The following PGS1 variants were observed in gnomAD, a reference collection of about 807,000 sequenced individuals.
PGS1 encodes the protein CDP-diacylglycerol--glycerol-3-phosphate 3-phosphatidyltransferase, mitochondrial.
In PGS1, 44 loss-of-function variants were observed where a neutral mutation model predicts 58.3. The observed-to-expected ratio is 0.75, with a 90% CI of 0.59 to 0.97. The LOEUF (loss-of-function observed/expected upper bound fraction) is 0.97. PGS1 is among the 50% of genes least tolerant of loss of function. The probability of loss-of-function intolerance (pLI) is 0.00; values close to 1 mark genes in which losing one functional copy is unlikely to be tolerated. For synonymous variants in PGS1, 330 were observed against 311.0 expected (o/e 1.06, Z -0.64); for missense variants, 684 against 731.1 (o/e 0.94, Z 0.74).
At chr17:78,413,163 G>T (rs1018651464) in intron 7 of PGS1, among the ~76,000 whole-genome samples, 1 of 152,244 alleles carries the variant, frequency 6.6e-6, no homozygotes, top group Admixed American at 6.5e-5. Context: ...CTTTGATGTG[G>T]CCCTTGGAGG....
At chr17:78,423,079 CAA>C (rs956117937) in intron 9 of PGS1, among the ~76,000 whole-genome samples, 6 of 146,294 alleles carry the variant, frequency 4.1e-5, no homozygotes, top group South Asian at 2.2e-4. Context: ...GCCTGGGCGA[CAA>C]GAGTGAAACT....
intron 6 of PGS1, among the ~76,000 whole-genome samples, chr17:78,401,341 A>G (rs1230970643): frequency 2.0e-5 from 3 of 152,116 alleles, no homozygotes; most frequent in Non-Finnish European, 4.4e-5. Context: ...CCTAGGGCCC[A>G]TTTCCCCAAG....
At chr17:78,420,231 C>A in intron 9 of PGS1, 1 of 990,722 alleles carries the variant, frequency 1.0e-6, no homozygotes, top group African/African-American at 1.7e-5. Flanking sequence ...CCCTTCTAGA[C>A]TCTGGAAGTT....
At chr17:78,418,097 T>C (rs2085361791) in intron 8 of PGS1, among the ~76,000 whole-genome samples, 2 of 151,660 alleles carry the variant, frequency 1.3e-5, no homozygotes, top group Non-Finnish European at 2.9e-5. Context: ...GCCCGGCTAA[T>C]GTTTGTATTT....
chr17:78,409,947 C>T (rs138725344), intron 7 of PGS1, among the ~76,000 whole-genome samples: 7 of 152,170 alleles, frequency 4.6e-5, no homozygotes, highest in African/African-American at 1.7e-4. Context: ...TGTGTCTCTA[C>T]TAAAAATACA....
chr17:78,418,454 G>A (rs565942590), intron 8 of PGS1, among the ~76,000 whole-genome samples: 1 of 152,180 alleles, frequency 6.6e-6, no homozygotes, highest in African/African-American at 2.4e-5. Flanking sequence ...AGCTTCCTTT[G>A]CCTGCCGATT....
chr17:78,424,267 CA>C lies in PGS1; in HGVS notation c.*221del. 1 of 1,345,206 alleles carries C rather than the reference CA, an allele frequency of 7.4e-7. No individual in the cohort carries two copies. The highest frequency in any genetic ancestry group is 9.9e-7 in the Non-Finnish European group (1 of 1,012,006). The allele number at this position is 1,345,206 out of a possible 1,614,324, so 83.3% of individuals were successfully genotyped here. On this transcript the variant is annotated 3_prime_UTR_variant, in exon 10 of 10. Coordinates refer to ENST00000262764, the MANE Select transcript of PGS1 (RefSeq NM_024419.5). ...CCCTCTGCAGAGCTGGGCTCTACCC[CA>C]AAAGGCTTCAGGCCAGCTGCCACGG...
chr17:78,398,041 G>T, intron 3 of PGS1: 1 of 631,460 alleles, frequency 1.6e-6, no homozygotes. Context: ...CTGGAGGCCT[G>T]GGCCGATCAG....
At chr17:78,379,295 C>T (rs924345953) in intron 1 of PGS1, among the ~76,000 whole-genome samples, 1 of 152,112 alleles carries the variant, frequency 6.6e-6, no homozygotes, top group African/African-American at 2.4e-5. Context: ...TAGAGCGTTT[C>T]TCACATCCTG....
At chr17:78,393,113 T>A (rs889066351) in intron 2 of PGS1, among the ~76,000 whole-genome samples, 1 of 148,728 alleles carries the variant, frequency 6.7e-6, no homozygotes, top group African/African-American at 2.5e-5. Flanking sequence ...CAGGCTAGAG[T>A]GCAGTGGCTC....
At chr17:78,422,511 C>G (rs747864642) in intron 9 of PGS1, among the ~76,000 whole-genome samples, 56 of 152,032 alleles carry the variant, frequency 3.7e-4, no homozygotes, top group Non-Finnish European at 7.1e-4. Flanking sequence ...CTTTTTTCCC[C>G]CTTTTGAGAC....
At chr17:78,394,097 G>A (rs982464516) in intron 2 of PGS1, among the ~76,000 whole-genome samples, 3 of 142,590 alleles carry the variant, frequency 2.1e-5, no homozygotes, top group Non-Finnish European at 4.5e-5. Context: ...GCTTGAACCC[G>A]GGAGGTGGAG....
intron 7 of PGS1, among the ~76,000 whole-genome samples, chr17:78,407,661 G>T (rs368540334): frequency 6.6e-6 from 1 of 152,244 alleles, no homozygotes; most frequent in African/African-American, 2.4e-5. Flanking sequence ...GCTCCCAGAA[G>T]CCCTTGGGCA....
chr17:78,410,491 T>G lies in PGS1; in HGVS notation c.1403-4388T>G, dbSNP rs1177816306. 1.1e-3 allele frequency among the ~76,000 whole-genome samples: 55 copies of G among 48,404 alleles called. 1 individual carries two copies. Among genetic ancestry groups the G allele is most frequent in the African/African-American group, 2.7e-3 (38 of 13,994 alleles). The allele number at this position is 48,404 out of a possible 152,430, so 31.8% of individuals were successfully genotyped here. A position where few individuals can be genotyped will look rare whatever the true frequency, so the allele number is the denominator to read the frequency against. ...TTTTTTTTTTTTTTTTTTTTTTTTTTGGGACGGAGTCTTGCTCTGTCACCC... is the reference window on the plus strand; with the variant it reads ...TTTTTTTTTTTTTTTTTTTTTTTTTGGGGACGGAGTCTTGCTCTGTCACCC... On this transcript the variant is annotated intron_variant, in intron 7 of 9. Transcript: ENST00000262764.
At chr17:78,423,095 A>T (rs1478711835) in intron 9 of PGS1, among the ~76,000 whole-genome samples, 2 of 94,788 alleles carry the variant, frequency 2.1e-5, no homozygotes, top group Non-Finnish European at 4.5e-5. Context: ...TGAAACTCTC[A>T]CTCTCCCTCG....
chr17:78,400,871 G>A lies in PGS1; in HGVS notation c.880+16G>A. 1 of 1,572,824 alleles carries A rather than the reference G, an allele frequency of 6.4e-7. No individual in the cohort carries two copies. Among genetic ancestry groups the A allele is most frequent in the Non-Finnish European group, 8.7e-7 (1 of 1,155,596 alleles). ...CCTTACAAAGGTAGGGGCTGCCGCT[G>A]ACACCCTTCTATGGCTGTGGGTGGG... is the stretch of plus-strand genomic sequence containing the variant. On this transcript the variant is annotated intron_variant, in intron 6 of 9. Transcript: ENST00000262764. The surrounding 1 kb of genome is among the most constrained non-coding windows in gnomAD (Gnocchi z 4.4).
At chr17:78,414,704 C>T (rs573421366) in intron 7 of PGS1, among the ~76,000 whole-genome samples, 175 bp from the exon 8 acceptor site, 17 of 152,134 alleles carry the variant, frequency 1.1e-4, no homozygotes, top group South Asian at 1.0e-3. Context: ...CCTGCCGCGC[C>T]GGGGTGGGGG....
chr17:78,385,946 G>GAGCA (rs2146080850), intron 1 of PGS1, among the ~76,000 whole-genome samples: 1 of 152,308 alleles, frequency 6.6e-6, no homozygotes, highest in South Asian at 2.1e-4. Flanking sequence ...CGCTTGGTCA[G>GAGCA]AGCGGTTCAG....
At chr17:78,407,016 C>G (rs2084209530) in intron 7 of PGS1, among the ~76,000 whole-genome samples, 1 of 152,244 alleles carries the variant, frequency 6.6e-6, no homozygotes, top group African/African-American at 2.4e-5. Flanking sequence ...CTTGCCTTTT[C>G]CCGGACTGAT....
Sources: gnomAD v4.1 joint callset for allele counts (sites outside exome capture counted in the v4.1 genomes callset) on GRCh38, gnomAD v4.1.1 for gene constraint, Gnocchi (gnomAD v3.1) non-coding constraint, MANE v1.5 for transcripts, NCBI Gene and HGNC (gene_info 2026-07-23, HGNC 2026-07-21) for gene names.